Variants in RNF170 observed in about 807,000 individuals in gnomAD.
RNF170 encodes the protein ring finger protein 170.
RNF170 carries 12 observed loss-of-function variants against 32.7 expected under a neutral mutation model. The observed-to-expected ratio is 0.37, with a 90% CI of 0.24 to 0.60. The LOEUF (loss-of-function observed/expected upper bound fraction) is 0.60. Ranked by LOEUF, RNF170 falls within the 20% of genes least tolerant of loss-of-function variation. RNF170 has a pLI of 0.72. For synonymous variants in RNF170, 91 were observed against 103.6 expected (o/e 0.88, Z 0.74); for missense variants, 212 against 311.2 (o/e 0.68, Z 2.40).
At chr8:42,887,894 G>A (rs776815472) in intron 1 of RNF170, 23 bp from the exon 2 acceptor site, 6 of 1,604,352 alleles carry the variant, frequency 3.7e-6, no homozygotes, top group East Asian at 2.2e-5. Flanking sequence ...GAAACAAGAT[G>A]AGAGTTACAA....
intron 6 of RNF170, 96 bp from the exon 7 acceptor site, chr8:42,856,524 T>A: frequency 1.1e-6 from 1 of 897,218 alleles, no homozygotes; most frequent in Non-Finnish European, 1.8e-6. Context: ...ATTGTTAAGA[T>A]GAATTAAGGA....
At chr8:42,852,751 G>T (rs1053131780), downstream of RNF170, among the ~76,000 whole-genome samples, 1 of 152,034 alleles carries the variant, frequency 6.6e-6, no homozygotes, top group Admixed American at 6.6e-5. Context: ...TTGTTGCATT[G>T]AACTGAATGT....
chr8:42,877,657 G>A (rs1460526315), intron 2 of RNF170, among the ~76,000 whole-genome samples: 2 of 152,234 alleles, frequency 1.3e-5, no homozygotes, highest in Admixed American at 6.5e-5. Flanking sequence ...CCAAACTTAA[G>A]AGTTAAAACT....
chr8:42,870,663 A>C (rs1804456661), intron 3 of RNF170, among the ~76,000 whole-genome samples: 1 of 152,158 alleles, frequency 6.6e-6, no homozygotes, highest in Non-Finnish European at 1.5e-5. Flanking sequence ...TGGGAGGTTG[A>C]AGCTGGAGTG....
intron 2 of RNF170, among the ~76,000 whole-genome samples, chr8:42,884,344 A>G (rs958625607): frequency 5.3e-5 from 8 of 152,096 alleles, no homozygotes; most frequent in African/African-American, 1.9e-4. Flanking sequence ...TCAGCCTCCC[A>G]AAGTGCTAGG....
At chr8:42,883,881 T>C (rs1428129809) in intron 2 of RNF170, among the ~76,000 whole-genome samples, 1 of 152,054 alleles carries the variant, frequency 6.6e-6, no homozygotes, top group African/African-American at 2.4e-5. Flanking sequence ...TGCCACCCCT[T>C]CCCCAATACA....
Position 42,856,120 on chromosome 8 carries a change from A to G in RNF170, c.*39T>C, listed in dbSNP as rs754011720. 3 of 1,610,092 alleles carry G rather than the reference A, an allele frequency of 1.9e-6. No individual in the cohort carries two copies. The highest frequency in any genetic ancestry group is 2.5e-6 in the Non-Finnish European group (3 of 1,179,286). ...GTCCTTCTGTTTGATGTTCTACATT[A>G]GCTCAGATATCCTAGTAAACTCAGT... On this transcript the variant is annotated 3_prime_UTR_variant, in exon 7 of 7. Coordinates refer to ENST00000527424, the MANE Select transcript of RNF170 (RefSeq NM_030954.4).
Position 42,855,591 on chromosome 8 carries a change from T to A in RNF170, c.*568A>T. 1 of 1,277,318 alleles carries A rather than the reference T, an allele frequency of 7.8e-7. No homozygotes were observed. The highest frequency in any genetic ancestry group is 1.0e-6 in the Non-Finnish European group (1 of 979,418). The allele number at this position is 1,277,318 out of a possible 1,614,324, so 79.1% of individuals were successfully genotyped here. On this transcript the variant is annotated 3_prime_UTR_variant, in exon 7 of 7. Transcript: ENST00000527424. Reference sequence around the variant, plus strand: ...TGATATCGAAGTATGAAGTTCAAGTTTCTTCTTTCAGTTTCAGCTGATAGC... The same window carrying A: ...TGATATCGAAGTATGAAGTTCAAGTATCTTCTTTCAGTTTCAGCTGATAGC...
At chr8:42,893,067 CTA>C (rs1806447392) in intron 1 of RNF170, among the ~76,000 whole-genome samples, 1 of 152,066 alleles carries the variant, frequency 6.6e-6, no homozygotes, top group Non-Finnish European at 1.5e-5. Context: ...ATATGTACAA[CTA>C]TTATACATCT....
chr8:42,863,980 A>AGAGAGT (rs149654513), intron 5 of RNF170, among the ~76,000 whole-genome samples: 22 of 139,580 alleles, frequency 1.6e-4, no homozygotes, highest in African/African-American at 3.2e-4. Flanking sequence ...AGAGAGAGAG[A>AGAGAGT]GTGTGTGTGT....
chr8:42,871,169 C>T (rs773251367), intron 3 of RNF170, among the ~76,000 whole-genome samples: 18 of 151,826 alleles, frequency 1.2e-4, no homozygotes, highest in African/African-American at 3.6e-4. Context: ...GAGATCACAC[C>T]GCTATACTCC....
intron 1 of RNF170, among the ~76,000 whole-genome samples, chr8:42,888,331 C>T (rs1174663378): frequency 1.3e-5 from 2 of 151,610 alleles, no homozygotes; most frequent in Non-Finnish European, 2.9e-5. Context: ...CCCAAAGTGC[C>T]GGGATTACAG....
chr8:42,895,787 C>G (rs1347529449), intron 1 of RNF170, among the ~76,000 whole-genome samples: 1 of 152,140 alleles, frequency 6.6e-6, no homozygotes, highest in South Asian at 2.1e-4. Context: ...CAAAAACAGG[C>G]AAAGGAAAAC....
At chr8:42,890,807 TG>T (rs1021651926) in intron 1 of RNF170, among the ~76,000 whole-genome samples, 2 of 152,102 alleles carry the variant, frequency 1.3e-5, no homozygotes, top group Non-Finnish European at 2.9e-5. Context: ...ACCTGCTTGT[TG>T]GGGGCTTCGA....
chr8:42,890,121 T>C (rs1389937906), intron 1 of RNF170, among the ~76,000 whole-genome samples: 1 of 152,088 alleles, frequency 6.6e-6, no homozygotes, highest in Non-Finnish European at 1.5e-5. Context: ...CCGTTTATTA[T>C]TTTGTACTTA....
At chr8:42,858,764 G>T (rs1404887185) in intron 6 of RNF170, among the ~76,000 whole-genome samples, 1 of 152,192 alleles carries the variant, frequency 6.6e-6, no homozygotes, top group Non-Finnish European at 1.5e-5. Flanking sequence ...GAGTTTGTGT[G>T]TGTGCTGAGA....
At chr8:42,882,242 T>G (rs1805472248) in intron 2 of RNF170, among the ~76,000 whole-genome samples, 1 of 152,110 alleles carries the variant, frequency 6.6e-6, no homozygotes, top group Non-Finnish European at 1.5e-5. Flanking sequence ...GAAATTCCAG[T>G]TGAAAACACA....
At position 42,855,680 on chromosome 8, in the gene RNF170, A is replaced by C. The variant is rs77599896; in HGVS notation, c.*479T>G. 1.1e-3 allele frequency: 1,437 copies of C among 1,281,664 alleles called. 20 individuals are homozygous for C. The African/African-American group carries it at 0.02, about 18-fold the overall frequency. 79.4% of individuals were successfully genotyped at this position (1,281,664 alleles called of 1,614,324 possible). A position where few individuals can be genotyped will look rare whatever the true frequency, so the allele number is the denominator to read the frequency against. On this transcript the variant is annotated 3_prime_UTR_variant, in exon 7 of 7. Coordinates refer to ENST00000527424, the MANE Select transcript of RNF170 (RefSeq NM_030954.4). ...TCCAAATGCACAAAACTTAGCTAGCACTAAAAGAAATACTGAATTTTCCCC... is the reference window on the plus strand; with the variant it reads ...TCCAAATGCACAAAACTTAGCTAGCCCTAAAAGAAATACTGAATTTTCCCC...
At chr8:42,886,538 G>A (rs1005975738) in intron 2 of RNF170, among the ~76,000 whole-genome samples, 28 of 152,132 alleles carry the variant, frequency 1.8e-4, no homozygotes, top group Admixed American at 6.5e-4. Context: ...TGATTCTCAC[G>A]CCTCAGCCGC....
Sources: allele counts gnomAD v4.1 joint callset (sites outside exome capture counted in the v4.1 genomes callset), GRCh38; gene constraint gnomAD v4.1.1; transcripts MANE v1.5; gene names NCBI Gene and HGNC (gene_info 2026-07-23, HGNC 2026-07-21).